FMO2: variants seen among roughly 807,000 people sequenced by gnomAD.
FMO2 encodes flavin containing dimethylaniline monoxygenase 2.
In FMO2, 33 loss-of-function variants were observed where a neutral mutation model predicts 41.6. The observed-to-expected ratio is 0.79, with a 90% CI of 0.60 to 1.06. The LOEUF (loss-of-function observed/expected upper bound fraction) is 1.06, where lower values mean the gene tolerates loss of function less well. FMO2 is among the 50% of genes least tolerant of loss of function. The pLI is 0.00. For missense variants in FMO2, 619 were observed against 632.9 expected (o/e 0.98, Z 0.23); for synonymous variants, 214 against 219.6 (o/e 0.97, Z 0.23).
rs1342962511 is a variant in FMO2, at chr1:171,207,821, G to A, written c.1256+31G>A. The A allele has an allele frequency of 4.3e-6, 6 of 1,385,458 alleles. No homozygotes were observed. The South Asian group carries it at 5.9e-5, about 14-fold the overall frequency. The allele number at this position is 1,385,458 out of a possible 1,614,324, so 85.8% of individuals were successfully genotyped here. A position where few individuals can be genotyped will look rare whatever the true frequency, so the allele number is the denominator to read the frequency against. On this transcript the variant is annotated intron_variant, in intron 8 of 8. Coordinates refer to ENST00000209929, the MANE Select transcript of FMO2 (RefSeq NM_001460.5). ...AATTTTTTTTAATTCTTTACATGAA[G>A]CAGTGTTTCTCAAAGTACAGTGATC...
At chr1:171,199,930 T>G (rs532688903) in intron 5 of FMO2, among the ~76,000 whole-genome samples, 1 of 152,030 alleles carries the variant, frequency 6.6e-6, no homozygotes, top group Admixed American at 6.5e-5. Flanking sequence ...TTGCCCAGGG[T>G]AGTCTCAAAC....
At position 171,206,286 on chromosome 1, in the gene FMO2, G is replaced by T. The variant is rs1658754178; in HGVS notation, c.1183+652G>T. Among the ~76,000 whole-genome samples the T allele has an allele frequency of 2.0e-5, 3 of 152,200 alleles. No individual in the cohort carries two copies. In the South Asian group the frequency reaches 6.2e-4, roughly 32 times the overall value. ...GGAGTGTTCAGGGAAGGAGAGAAAG[G>T]GCACTTATCATGGTAGAATAAGGGA... is the stretch of plus-strand genomic sequence containing the variant. On this transcript the variant is annotated intron_variant, in intron 7 of 8. Transcript: ENST00000209929.
intron 1 of FMO2, 115 bp downstream of exon 1, chr1:171,185,474 G>A (rs1247027524): frequency 1.3e-5 from 5 of 379,352 alleles, no homozygotes; most frequent in East Asian, 4.4e-5. Flanking sequence ...TCAATGGGTC[G>A]CTTTTAAATA....
intron 4 of FMO2, among the ~76,000 whole-genome samples, chr1:171,197,810 A>G (rs1658363633): frequency 6.6e-6 from 1 of 152,352 alleles, no homozygotes; most frequent in Non-Finnish European, 1.5e-5. Context: ...GCATGTTAGC[A>G]TGCTTGGCTC....
chr1:171,208,361 TTGAG>T (rs901234765), intron 8 of FMO2, among the ~76,000 whole-genome samples: 11 of 152,316 alleles, frequency 7.2e-5, no homozygotes, highest in South Asian at 6.2e-4. Flanking sequence ...CTAAGATTGA[TTGAG>T]TATCTACTAT....
intron 6 of FMO2, among the ~76,000 whole-genome samples, chr1:171,204,541 A>G (rs1295106196): frequency 4.6e-5 from 7 of 152,200 alleles, no homozygotes; most frequent in Admixed American, 2.6e-4. Flanking sequence ...TTTAAGCACA[A>G]GCAAATGTTA....
intron 7 of FMO2, 24 bp from the exon 8 acceptor site, chr1:171,207,694 T>C: frequency 6.5e-7 from 1 of 1,536,568 alleles, no homozygotes; most frequent in South Asian, 1.2e-5. Flanking sequence ...AACTTACTAT[T>C]CAAACCAACC....
chr1:171,196,047 G>A (rs1468034359), intron 3 of FMO2, among the ~76,000 whole-genome samples: 1 of 152,146 alleles, frequency 6.6e-6, no homozygotes, highest in Non-Finnish European at 1.5e-5. Context: ...TTATTGGTTT[G>A]TTTCCTTGTT....
intron 4 of FMO2, among the ~76,000 whole-genome samples, chr1:171,198,336 TCTAA>T (rs28369867): frequency 0.15 from 22,250 of 152,148 alleles, 1,684 homozygotes; most frequent in South Asian, 0.15. Flanking sequence ...TAAATTGTAT[TCTAA>T]CTATTACACA....
intron 5 of FMO2, among the ~76,000 whole-genome samples, chr1:171,202,137 A>T (rs2102005239): frequency 6.6e-6 from 1 of 152,320 alleles, no homozygotes; most frequent in Non-Finnish European, 1.5e-5. Context: ...TCATTAAGGC[A>T]GGTTAGACCA....
intron 8 of FMO2, among the ~76,000 whole-genome samples, chr1:171,208,585 T>C (rs1466779671): frequency 6.6e-6 from 1 of 152,204 alleles, no homozygotes; most frequent in East Asian, 1.9e-4. Context: ...AGAGCATCCA[T>C]GAATTCATGG....
Position 171,203,913 on chromosome 1 carries a change from G to A in FMO2, c.676G>A (p.Glu226Lys). 1 of 1,613,628 alleles carries A rather than the reference G, an allele frequency of 6.2e-7. No homozygotes were observed. The highest frequency in any genetic ancestry group is 1.3e-5 in the African/African-American group (1 of 75,008). ...HGTWVMSRIS[E>K]DGYPWDSVFH... ...CACCTGGGTCATGAGCCGTATCTCT[G>A]AAGATGGCTATCCTTGGGACTCAGT... The change falls in exon 6 of 9, where the codon GAA (glutamate) becomes AAA (lysine). Residue 226 changes from glutamate to lysine, a missense_variant. Coordinates refer to ENST00000209929, the MANE Select transcript of FMO2 (RefSeq NM_001460.5).
intron 3 of FMO2, among the ~76,000 whole-genome samples, chr1:171,194,721 T>C (rs575250500): frequency 3.5e-4 from 53 of 152,372 alleles, no homozygotes; most frequent in African/African-American, 1.3e-3. Context: ...ATTGTGCCAC[T>C]GCACTCCAGC....
At position 171,203,973 on chromosome 1, in the gene FMO2, G is replaced by A. The variant is rs1469353667; in HGVS notation, c.736G>A (p.Val246Ile). The A allele has an allele frequency of 6.2e-7, 1 of 1,613,740 alleles. No individual in the cohort carries two copies. The highest frequency in any genetic ancestry group is 8.5e-7 in the Non-Finnish European group (1 of 1,179,762). The change falls in exon 6 of 9, where the codon GTA (valine) becomes ATA (isoleucine). Residue 246 changes from valine to isoleucine, a missense_variant. Transcript: ENST00000209929. The part of the protein sequence containing the change: ...HTRFRSMLRN[V>I]LPRTAVKWMI... ...CCGGTTTCGTTCTATGCTCCGCAATGTACTGCCACGAACAGCTGTAAAATG... is the reference window on the plus strand; with the variant it reads ...CCGGTTTCGTTCTATGCTCCGCAATATACTGCCACGAACAGCTGTAAAATG...
intron 7 of FMO2, among the ~76,000 whole-genome samples, chr1:171,206,933 G>T (rs1455088750): frequency 6.6e-6 from 1 of 152,178 alleles, no homozygotes; most frequent in East Asian, 1.9e-4. Flanking sequence ...TTCAATGTGG[G>T]AAAGTCAGAG....
rs1323261922 is a variant in FMO2 at position 171,211,458 on chromosome 1, G to A, written c.*2313G>A. ...CACTACCCATTTAGTAGCTATGGTT[G>A]TTATCTTACTTCTACAGTGGAAGAG... is the stretch of plus-strand genomic sequence containing the variant. On this transcript the variant is annotated 3_prime_UTR_variant, in exon 9 of 9. Transcript: ENST00000209929. 6.6e-6 allele frequency among the ~76,000 whole-genome samples: 1 copy of A among 151,708 alleles called. No individual in the cohort carries two copies. The highest frequency in any genetic ancestry group is 2.4e-5 in the African/African-American group (1 of 41,038).
chr1:171,203,894 G>A lies in FMO2; in HGVS notation c.657G>A (p.Trp219Ter). ...TTATCAGCACCAGGCATGGCACCTG[G>A]GTCATGAGCCGTATCTCTGAAGATG... ...QVFISTRHGTWVMSRISEDGY... is the reference protein window; with the variant it reads ...QVFISTRHGT The change falls in exon 6 of 9, where the codon TGG becomes TGA. Residue 219 changes from tryptophan to a stop codon, truncating the protein, a stop_gained. Coordinates refer to ENST00000209929, the MANE Select transcript of FMO2 (RefSeq NM_001460.5). LOFTEE classifies it high-confidence loss of function. 1 of 1,613,502 alleles carries A rather than the reference G, an allele frequency of 6.2e-7. No individual in the cohort carries two copies. Among genetic ancestry groups the A allele is most frequent in the Non-Finnish European group, 8.5e-7 (1 of 1,179,640 alleles).
At chr1:171,203,323 T>TCACACACACACACACACA (rs10628039) in intron 5 of FMO2, among the ~76,000 whole-genome samples, 19 of 144,058 alleles carry the variant, frequency 1.3e-4, no homozygotes, top group African/African-American at 5.0e-4. Context: ...AGACCCTGTC[T>TCACACACACACACACACA]CACACACACA....
At chr1:171,188,880 G>A (rs924378328) in intron 2 of FMO2, 1 of 152,134 alleles carries the variant, frequency 6.6e-6, no homozygotes, top group Non-Finnish European at 1.5e-5. Context: ...GGGACGGGTA[G>A]GTAATTAGCA....
Sources: allele counts gnomAD v4.1 joint callset (sites outside exome capture counted in the v4.1 genomes callset), GRCh38; gene constraint gnomAD v4.1.1; transcripts MANE v1.5; gene names NCBI Gene and HGNC (gene_info 2026-07-23, HGNC 2026-07-21).